SYNE1: variants seen among roughly 807,000 people sequenced by gnomAD.
SYNE1 encodes spectrin repeat containing nuclear envelope protein 1.
In SYNE1, 616 loss-of-function variants were observed where a neutral mutation model predicts 1,111.0. That is an observed-to-expected ratio of 0.55 (90% CI 0.52 to 0.59). The LOEUF (loss-of-function observed/expected upper bound fraction) is 0.59. SYNE1 is among the 20% of genes least tolerant of loss of function. The probability of loss-of-function intolerance (pLI) is 0.00; values close to 1 mark genes in which losing one functional copy is unlikely to be tolerated. For missense variants in SYNE1, 10,006 were observed against 10,417.0 expected (o/e 0.96, Z 1.72); for synonymous variants, 3,855 against 3,825.8 (o/e 1.01, Z -0.28).
At position 152,510,288 on chromosome 6, in the gene SYNE1, C is replaced by G. The variant is rs769726463; in HGVS notation, c.486G>C (p.Glu162Asp). ...ASSVDSIVSS[E>D]TPSPPSKRKV... ...TCCGTTTACTTGGTGGGCTGGGAGT[C>G]TCAGAGCTAACTATGCTGTCCACGG... is the stretch of plus-strand genomic sequence containing the variant. The change falls in exon 8 of 146, where the codon GAG becomes GAC. Residue 162 changes from glutamate to aspartate, a missense_variant. This residue lies in a region of SYNE1 where 1,971 missense variants were observed against 2,084.1 expected (regional missense o/e 0.95). Transcript: ENST00000367255. 1 of 1,613,950 alleles carries G rather than the reference C, an allele frequency of 6.2e-7. No homozygotes were observed. The highest frequency in any genetic ancestry group is 1.7e-5 in the Admixed American group (1 of 59,978).
intron 72 of SYNE1, among the ~76,000 whole-genome samples, chr6:152,349,939 A>T (rs2096712643): frequency 6.6e-6 from 1 of 152,150 alleles, no homozygotes; most frequent in African/African-American, 2.4e-5. Context: ...GCCACAAGGA[A>T]CTGTAAGTCC....
intron 131 of SYNE1, among the ~76,000 whole-genome samples, chr6:152,160,204 C>A (rs1336720676): frequency 6.6e-6 from 1 of 152,148 alleles, no homozygotes; most frequent in African/African-American, 2.4e-5. Flanking sequence ...GACGGGGTTT[C>A]ACCATGTTGG....
At chr6:152,483,284 T>A in intron 13 of SYNE1, 35 bp from the exon 14 acceptor site, 1 of 1,582,154 alleles carries the variant, frequency 6.3e-7, no homozygotes, top group Non-Finnish European at 8.7e-7. Context: ...AAAATATCTT[T>A]AATACAGATG....
rs535728434 is a variant in SYNE1 at position 152,321,535 on chromosome 6, A to G, written c.16084-145T>C. 2,255 of 1,278,040 alleles carry G rather than the reference A, an allele frequency of 1.8e-3. 5 individuals carry two copies. Among genetic ancestry groups the G allele is most frequent in the Non-Finnish European group, 2.3e-3 (2,109 of 930,280 alleles). The allele number at this position is 1,278,040 out of a possible 1,614,324, so 79.2% of individuals were successfully genotyped here. A position where few individuals can be genotyped will look rare whatever the true frequency, so the allele number is the denominator to read the frequency against. ...CAACATTGTTCTTTTGTCTCTGAAT[A>G]TAAAGTATGTTCACTTTAAAAAACA... On this transcript the variant is annotated intron_variant, in intron 83 of 145. Transcript: ENST00000367255.
chr6:152,573,385 T>C (rs994450796), intron 3 of SYNE1, among the ~76,000 whole-genome samples: 1 of 135,944 alleles, frequency 7.4e-6, no homozygotes, highest in East Asian at 2.1e-4. Context: ...CCTGTGTCCA[T>C]GTGTTCTCAT....
chr6:152,483,355 T>C, intron 13 of SYNE1, 106 bp from the exon 14 acceptor site: 1 of 966,358 alleles, frequency 1.0e-6, no homozygotes, highest in Non-Finnish European at 1.6e-6. Flanking sequence ...AAGTTAATGA[T>C]TTCAGGCTAA....
Position 152,367,232 on chromosome 6 carries a change from T to C in SYNE1, c.9958A>G (p.Thr3320Ala), listed in dbSNP as rs1591248005. The change falls in exon 62 of 146, where the codon ACG becomes GCG. Residue 3320 changes from threonine to alanine, a missense_variant. Coordinates refer to ENST00000367255, the MANE Select transcript of SYNE1 (RefSeq NM_182961.4). ...TSDKSVLDSR[T>A]LKLEALLSVK... ...AAGATGCACACCTCGAGCTTGAGCG[T>C]CCTGCTGTCCAGCACACTTTTGTCG... 6.2e-6 allele frequency: 10 copies of C among 1,614,212 alleles called. No individual in the cohort carries two copies. The East Asian group carries it at 2.0e-4, about 32-fold the overall frequency.
At chr6:152,359,199 T>G in intron 65 of SYNE1, 116 bp downstream of exon 65, 1 of 1,428,376 alleles carries the variant, frequency 7.0e-7, no homozygotes, top group Non-Finnish European at 9.8e-7. Context: ...AAATTCATTT[T>G]GCTTTTGTTC....
intron 70 of SYNE1, 83 bp from the exon 71 acceptor site, chr6:152,350,853 G>C: frequency 1.3e-6 from 2 of 1,488,384 alleles, no homozygotes; most frequent in Non-Finnish European, 1.9e-6. Context: ...GTATGCAAGA[G>C]ATGATCTACC....
chr6:152,597,882 A>G (rs965985944), intron 3 of SYNE1, among the ~76,000 whole-genome samples: 27 of 152,136 alleles, frequency 1.8e-4, no homozygotes, highest in Non-Finnish European at 4.4e-5. Context: ...TTTTTATATC[A>G]TGATGATTTT....
chr6:152,130,659 G>A, intron 145 of SYNE1, 61 bp downstream of exon 145: 1 of 1,588,272 alleles, frequency 6.3e-7, no homozygotes, highest in Non-Finnish European at 8.6e-7. Flanking sequence ...CTAAGTCATG[G>A]ACAATTTTCA....
intron 55 of SYNE1, 190 bp from the exon 56 acceptor site, chr6:152,381,552 GCTT>G: frequency 1.6e-6 from 1 of 634,022 alleles, no homozygotes; most frequent in Admixed American, 2.8e-5. Context: ...AGTGCCTAAG[GCTT>G]ATGGCAAAAA....
Position 152,236,810 on chromosome 6 carries a change from C to A in SYNE1, c.20199+7G>T, listed in dbSNP as rs893566221. ...CTAAAGGCAATGTGGCGGCTTGTAA[C>A]ACCAACCTGGTAGAGTGTTATGCGG... is the stretch of plus-strand genomic sequence containing the variant. On this transcript the variant is annotated splice_region_variant and intron_variant, in intron 109 of 145. Transcript: ENST00000367255. 6.2e-7 allele frequency: 1 copy of A among 1,614,030 alleles called. No homozygotes were observed. The highest frequency in any genetic ancestry group is 1.3e-5 in the African/African-American group (1 of 74,920).
intron 117 of SYNE1, among the ~76,000 whole-genome samples, chr6:152,223,041 A>T (rs969326558): frequency 2.0e-5 from 3 of 152,198 alleles, no homozygotes; most frequent in Admixed American, 6.5e-5. Flanking sequence ...GGCTACAAAA[A>T]TCGAGTACTG....
Position 152,212,404 on chromosome 6 carries a change from T to C in SYNE1, c.22495-816A>G, listed in dbSNP as rs117156394. 4.6e-3 allele frequency among the ~76,000 whole-genome samples: 704 copies of C among 152,298 alleles called. 18 individuals carry two copies. Among genetic ancestry groups the C allele is most frequent in the Non-Finnish European group, 1.9e-3 (131 of 68,016 alleles). ...TGTAGTCTTTTGTGACTGGTTTCTT[T>C]CCCTTGGCATAATGTTTCCAAGGTT... On this transcript the variant is annotated intron_variant, in intron 123 of 145. Transcript: ENST00000367255.
rs763296949 is a variant in SYNE1, at chr6:152,416,948, A to G, written c.5489T>C (p.Leu1830Ser). 1 of 1,614,060 alleles carries G rather than the reference A, an allele frequency of 6.2e-7. No individual in the cohort carries two copies. Among genetic ancestry groups the G allele is most frequent in the African/African-American group, 1.3e-5 (1 of 74,930 alleles). ...LQSLQGHLAK[L>S]GSLGRAEDLH... ...GTCCTCAGCACGGCCCAGAGAACCC[A>G]ACTTTGCTAAGTGACCCTGCAGACT... The change falls in exon 41 of 146, where the codon TTG becomes TCG. Residue 1830 changes from leucine (L) to serine (S), a missense_variant. Leu to Ser is a moderately radical substitution (Grantham distance 145). This residue lies in a region of SYNE1 where 4,955 missense variants were observed against 5,017.2 expected (regional missense o/e 0.99). Coordinates refer to ENST00000367255, the MANE Select transcript of SYNE1 (RefSeq NM_182961.4).
chr6:152,416,007 G>T (rs1030073866), intron 41 of SYNE1, among the ~76,000 whole-genome samples: 1 of 152,080 alleles, frequency 6.6e-6, no homozygotes, highest in Non-Finnish European at 1.5e-5. Context: ...ACACTTAAAG[G>T]GGAAAAATGG....
rs192583233 is a variant in SYNE1 at position 152,512,312 on chromosome 6, C to T, written c.310-1209G>A. The stretch of plus-strand genomic sequence containing the variant: ...ATTGAGAACTGGTATAGATTACAAA[C>T]TTGTATATCTACTTCCTTTGAATCA... On this transcript the variant is annotated intron_variant, in intron 6 of 145. Transcript: ENST00000367255. Among the ~76,000 whole-genome samples, 912 of 152,184 alleles carry T rather than the reference C, an allele frequency of 6.0e-3. 7 individuals carry two copies. The highest frequency in any genetic ancestry group is 7.5e-3 in the Non-Finnish European group (512 of 67,992).
chr6:152,240,431 G>T (rs1383958185), intron 107 of SYNE1, among the ~76,000 whole-genome samples: 1 of 152,154 alleles, frequency 6.6e-6, no homozygotes, highest in Non-Finnish European at 1.5e-5. Context: ...TGCACTGATT[G>T]ATATTATAAA....
Sources: gnomAD v4.1 joint callset for allele counts (sites outside exome capture counted in the v4.1 genomes callset) on GRCh38, gnomAD v4.1.1 for gene constraint, gnomAD v4.1.1 regional missense constraint, MANE v1.5 for transcripts, NCBI Gene and HGNC (gene_info 2026-07-23, HGNC 2026-07-21) for gene names.